The following RTL9 variants were observed in gnomAD, a reference collection of about 807,000 sequenced individuals.
RTL9 encodes the protein retrotransposon Gag-like protein 9.
RTL9 carries 19 observed loss-of-function variants against 44.7 expected under a neutral mutation model. The observed-to-expected ratio is 0.42, with a 90% confidence interval of 0.30 to 0.62. The LOEUF (loss-of-function observed/expected upper bound fraction) is 0.62. RTL9 is among the 20% of genes least tolerant of loss of function. The pLI is 0.16. For synonymous variants in RTL9, 407 were observed against 398.9 expected (o/e 1.02, Z -0.24); for missense variants, 1,105 against 1,080.6 (o/e 1.02, Z -0.32).
At chrX:110,442,148 G>A (rs925319431) in intron 1 of RTL9, among the ~76,000 whole-genome samples, 4 of 110,223 alleles carry the variant, frequency 3.6e-5, no homozygotes, top group South Asian at 3.9e-4. Context: ...TGGTGAGCAC[G>A]TGCCTCACCT....
intron 1 of RTL9, among the ~76,000 whole-genome samples, chrX:110,369,553 C>G (rs1043015712): frequency 2.7e-5 from 3 of 110,670 alleles, no homozygotes; most frequent in Admixed American, 9.6e-5. Context: ...TTTTTAGAAA[C>G]AGAAGTTAGA....
chrX:110,377,482 A>G, intron 1 of RTL9, among the ~76,000 whole-genome samples: 1 of 111,784 alleles, frequency 8.9e-6, no homozygotes, highest in East Asian at 2.8e-4. Context: ...TTTTTCTTTT[A>G]ATAATAAAAA....
intron 1 of RTL9, among the ~76,000 whole-genome samples, chrX:110,394,149 TA>T (rs2068513182): frequency 1.8e-5 from 2 of 113,150 alleles, no homozygotes; most frequent in South Asian, 7.4e-4. Flanking sequence ...TTGTTTTTAT[TA>T]ATCTTTCCTA....
At chrX:110,452,197 A>G (rs752357053) in exon 1 of RTL9, 12 of 1,209,593 alleles carry the variant, frequency 9.9e-6, no homozygotes, top group Non-Finnish European at 1.3e-5. Context: ...TCCATGCCAC[A>G]ATTGACAGTC....
At chrX:110,386,146 TG>T (rs2068453381) in intron 1 of RTL9, among the ~76,000 whole-genome samples, 1 of 110,864 alleles carries the variant, frequency 9.0e-6, no homozygotes, top group Non-Finnish European at 1.9e-5. Flanking sequence ...GGTATATATC[TG>T]GGAGTGGAAT....
At position 110,423,827 on chromosome X, in the gene RTL9, G is replaced by A. The variant is rs748879838; in HGVS notation, c.-168+4692G>A. On this transcript the variant is annotated intron_variant, in intron 1 of 3. Coordinates refer to the RTL9 transcript ENST00000465301. ...CACAATTTTTTCCAGTTCTTCCGAC[G>A]TTAGGTGTTGCATGGTAAGAAACAG... Among the ~76,000 whole-genome samples, 16 of 112,292 alleles carry A rather than the reference G, an allele frequency of 1.4e-4. No individual in the cohort carries two copies. The East Asian group carries it at 4.2e-3, about 29-fold the overall frequency.
intron 1 of RTL9, among the ~76,000 whole-genome samples, chrX:110,396,802 G>T (rs151051089): frequency 0.041 from 4,620 of 111,799 alleles, 134 homozygotes; most frequent in African/African-American, 0.096. Context: ...TTAAATGAAG[G>T]GACTCGTGTC....
At chrX:110,451,134 T>A in exon 1 of RTL9, 1 of 1,212,013 alleles carries the variant, frequency 8.3e-7, no homozygotes, top group East Asian at 3.0e-5. Flanking sequence ...GCCAGCTCCA[T>A]CCTCTGGAGT....
chrX:110,367,291 T>A (rs1450585134), intron 1 of RTL9, among the ~76,000 whole-genome samples: 1 of 111,883 alleles, frequency 8.9e-6, no homozygotes, highest in East Asian at 2.8e-4. Flanking sequence ...CTGGAATGAG[T>A]TGTCTCTGCT....
In RTL9 at chrX:110,361,203, G is replaced by A. The variant is rs182976364; in HGVS notation, c.-168+2287G>A. 2.3e-3 allele frequency among the ~76,000 whole-genome samples: 256 copies of A among 111,160 alleles called. 2 individuals carry two copies. Among genetic ancestry groups the A allele is most frequent in the African/African-American group, 8.0e-3 (246 of 30,604 alleles). Reference sequence around the variant, plus strand: ...CAATTTCATTCTTCCGGTTGCTCAGGCGGAAGACCTAGGAATCAATCTTGA... The same window carrying A: ...CAATTTCATTCTTCCGGTTGCTCAGACGGAAGACCTAGGAATCAATCTTGA... On this transcript the variant is annotated intron_variant, in intron 1 of 2. Transcript: ENST00000520821.
At chrX:110,380,564 A>G (rs762523201) in intron 1 of RTL9, among the ~76,000 whole-genome samples, 1 of 111,957 alleles carries the variant, frequency 8.9e-6, no homozygotes, top group South Asian at 3.7e-4. Context: ...TCAAATAACC[A>G]ATGTCACTTT....
intron 1 of RTL9, among the ~76,000 whole-genome samples, chrX:110,367,115 A>G (rs759667137): frequency 4.5e-5 from 5 of 112,044 alleles, no homozygotes; most frequent in Non-Finnish European, 9.4e-5. Context: ...CTACTTATGC[A>G]CTAAATTTTA....
At chrX:110,367,732 C>T (rs776680020) in intron 1 of RTL9, among the ~76,000 whole-genome samples, 2 of 111,061 alleles carry the variant, frequency 1.8e-5, no homozygotes, top group Admixed American at 1.9e-4. Context: ...TAGGCCAAAG[C>T]CTTGGAGTCT....
chrX:110,449,003 A>G (rs903416927), upstream of RTL9, among the ~76,000 whole-genome samples: 2 of 110,574 alleles, frequency 1.8e-5, no homozygotes, highest in African/African-American at 6.6e-5. Context: ...TTATTACAAT[A>G]ACCAGGGTGT....
intron 1 of RTL9, among the ~76,000 whole-genome samples, chrX:110,412,070 A>G (rs1229116454): frequency 1.8e-5 from 2 of 112,997 alleles, no homozygotes; most frequent in East Asian, 2.8e-4. Flanking sequence ...AGGAACACCA[A>G]TCAGTAATAA....
chrX:110,448,537 G>C (rs1424103331), upstream of RTL9, among the ~76,000 whole-genome samples: 1 of 108,629 alleles, frequency 9.2e-6, no homozygotes, highest in Non-Finnish European at 1.9e-5. Context: ...GAGTTGCATA[G>C]GCCAAGTGCT....
At chrX:110,366,463 T>C (rs562849655) in intron 1 of RTL9, among the ~76,000 whole-genome samples, 43 of 111,862 alleles carry the variant, frequency 3.8e-4, no homozygotes, top group Middle Eastern at 9.2e-3. Flanking sequence ...ATGAGAACAC[T>C]ACTCCAAAAT....
intron 1 of RTL9, among the ~76,000 whole-genome samples, chrX:110,432,772 C>A (rs1205727259): frequency 8.9e-6 from 1 of 112,480 alleles, no homozygotes; most frequent in East Asian, 2.8e-4. Context: ...TTTCCCCACC[C>A]CTGCTTCCTG....
At position 110,366,275 on chromosome X, in the gene RTL9, A is replaced by G. The variant is rs747924577; in HGVS notation, c.-168+7359A>G. The stretch of plus-strand genomic sequence containing the variant: ...AAGAGCTCCATGAACAAGCAATGTT[A>G]CAAACCACTGGATTAGTCAAATGTG... On this transcript the variant is annotated intron_variant, in intron 1 of 2. Transcript: ENST00000520821. 7.1e-5 allele frequency among the ~76,000 whole-genome samples: 8 copies of G among 112,180 alleles called. No homozygotes were observed. The East Asian group carries it at 1.1e-3, about 16-fold the overall frequency.
Sources: gnomAD v4.1 joint callset for allele counts (sites outside exome capture counted in the v4.1 genomes callset) on GRCh38, gnomAD v4.1.1 for gene constraint, MANE v1.5 for transcripts, NCBI Gene and HGNC (gene_info 2026-07-23, HGNC 2026-07-21) for gene names.